SYT2: variants seen among roughly 807,000 people sequenced by gnomAD.
The protein encoded by SYT2 is synaptotagmin 2, also known as synaptotagmin-2.
In SYT2, 15 loss-of-function variants were observed where a neutral mutation model predicts 39.9. That is an observed-to-expected ratio of 0.38 (90% CI 0.25 to 0.58). The LOEUF is 0.58. SYT2 is among the 20% of genes least tolerant of loss of function. SYT2 has a pLI of 0.70. For synonymous variants in SYT2, 181 were observed against 204.5 expected, an observed-to-expected ratio of 0.89 and a Z score of 0.98; for missense variants, 389 against 530.3, an observed-to-expected ratio of 0.73 and a Z score of 2.62.
intron 1 of SYT2, among the ~76,000 whole-genome samples, chr1:202,649,733 A>T (rs968343958): frequency 6.6e-6 from 1 of 152,188 alleles, no homozygotes; most frequent in Non-Finnish European, 1.5e-5. Flanking sequence ...TCATCCCTGT[A>T]ACTACTTTAT....
chr1:202,670,362 C>T (rs1002754435), intron 1 of SYT2, among the ~76,000 whole-genome samples: 1 of 152,182 alleles, frequency 6.6e-6, no homozygotes, highest in African/African-American at 2.4e-5. Context: ...AACCCTTTAA[C>T]CCCTGCATTG....
chr1:202,662,189 C>T (rs1284391306), intron 1 of SYT2, among the ~76,000 whole-genome samples: 1 of 152,220 alleles, frequency 6.6e-6, no homozygotes, highest in African/African-American at 2.4e-5. Context: ...GCAGAGGACA[C>T]ACCATGGGCA....
At chr1:202,655,594 C>G (rs1310343416) in intron 1 of SYT2, among the ~76,000 whole-genome samples, 2 of 152,122 alleles carry the variant, frequency 1.3e-5, no homozygotes, top group East Asian at 3.9e-4. Context: ...TCCTTGTTTT[C>G]CAGAACAGGA....
At chr1:202,663,932 A>G (rs4372314) in intron 1 of SYT2, among the ~76,000 whole-genome samples, 87,882 of 152,008 alleles carry the variant, frequency 0.58, 26,389 homozygotes, top group East Asian at 0.79. Flanking sequence ...TTCCTCCCCC[A>G]GATGTAAGGT....
chr1:202,619,180 C>T (rs1042534716), intron 1 of SYT2, among the ~76,000 whole-genome samples: 4 of 152,170 alleles, frequency 2.6e-5, no homozygotes, highest in Non-Finnish European at 5.9e-5. Context: ...ACAGCTGCCT[C>T]GCCTCCCGCA....
intron 1 of SYT2, among the ~76,000 whole-genome samples, chr1:202,669,567 C>T (rs544239275): frequency 1.3e-5 from 2 of 151,334 alleles, no homozygotes; most frequent in South Asian, 2.1e-4. Context: ...CACTCCAGCC[C>T]GGGTGACGGT....
At chr1:202,606,832 A>T (rs563569936) in intron 1 of SYT2, among the ~76,000 whole-genome samples, 10 of 152,058 alleles carry the variant, frequency 6.6e-5, no homozygotes, top group Admixed American at 1.3e-4. Flanking sequence ...CATTTGGGGC[A>T]TTCTATGCTG....
At chr1:202,703,405 G>GGAAGGAACAAGTGGGGAGGGAGAGAT (rs1654171815) in intron 1 of SYT2, among the ~76,000 whole-genome samples, 1 of 152,132 alleles carries the variant, frequency 6.6e-6, no homozygotes, top group Non-Finnish European at 1.5e-5. Flanking sequence ...GAAGGGCGGG[G>GGAAGGAACAAGTGGGGAGGGAGAGAT]GAAGGAACAA....
chr1:202,674,013 TTAA>T (rs963441432), intron 1 of SYT2, among the ~76,000 whole-genome samples: 60 of 152,232 alleles, frequency 3.9e-4, no homozygotes, highest in African/African-American at 1.3e-3. Flanking sequence ...ATGTGGCAGG[TTAA>T]TGTGTATTTT....
chr1:202,627,045 G>A (rs1187084725), intron 1 of SYT2, among the ~76,000 whole-genome samples: 2 of 152,170 alleles, frequency 1.3e-5, no homozygotes, highest in African/African-American at 4.8e-5. Flanking sequence ...TACCCACAAC[G>A]AGGGGTGCAG....
chr1:202,672,563 C>T (rs1349978062), intron 1 of SYT2, among the ~76,000 whole-genome samples: 3 of 150,760 alleles, frequency 2.0e-5, no homozygotes, highest in Non-Finnish European at 4.4e-5. Flanking sequence ...ATTGTATTTA[C>T]ATACAATAAC....
At chr1:202,705,961 G>A (rs1654239508) in intron 1 of SYT2, among the ~76,000 whole-genome samples, 1 of 152,098 alleles carries the variant, frequency 6.6e-6, no homozygotes, top group Admixed American at 6.5e-5. Context: ...CCAAAGCGCT[G>A]GGATTACAGG....
intron 1 of SYT2, among the ~76,000 whole-genome samples, chr1:202,629,867 TG>T (rs71281826): frequency 0.048 from 1,910 of 39,470 alleles, 137 homozygotes; most frequent in African/African-American, 0.14. Context: ...AGGCAGCTGG[TG>T]GGGGGGGGGG....
chr1:202,602,229 A>G, intron 5 of SYT2, 149 bp downstream of exon 5: 1 of 1,139,478 alleles, frequency 8.8e-7, no homozygotes, highest in South Asian at 1.5e-5. Context: ...AGGGATCCCG[A>G]TCCTCCATAG....
At position 202,599,483 on chromosome 1, in the gene SYT2, G is replaced by T; in HGVS notation, c.920-132C>A. On this transcript the variant is annotated intron_variant, in intron 7 of 8. Coordinates refer to ENST00000367268, the MANE Select transcript of SYT2 (RefSeq NM_177402.5). The surrounding 1 kb of genome is among the most constrained non-coding windows in gnomAD (Gnocchi z 4.4). ...TCCGCTGAGACCAGGCCCTCAGAAA[G>T]CCCCAAGTCATGCCATCCAGTTCAA... is the stretch of plus-strand genomic sequence containing the variant. 2 of 1,067,358 alleles carry T rather than the reference G, an allele frequency of 1.9e-6. No homozygotes were observed. The highest frequency in any genetic ancestry group is 2.6e-6 in the Non-Finnish European group (2 of 763,382). 66.1% of individuals were successfully genotyped at this position (1,067,358 alleles called of 1,614,324 possible). A position where few individuals can be genotyped will look rare whatever the true frequency, so the allele number is the denominator to read the frequency against.
At chr1:202,635,617 A>C in intron 1 of SYT2, among the ~76,000 whole-genome samples, 1 of 152,142 alleles carries the variant, frequency 6.6e-6, no homozygotes, top group East Asian at 1.9e-4. Context: ...ACAGCTCCAG[A>C]AGCAGACATT....
At chr1:202,660,044 G>A (rs1692349329) in intron 1 of SYT2, among the ~76,000 whole-genome samples, 2 of 152,172 alleles carry the variant, frequency 1.3e-5, no homozygotes, top group Admixed American at 6.5e-5. Flanking sequence ...TCTGCTTCGT[G>A]TATTTCCATC....
At chr1:202,641,908 GA>G (rs1198180602) in intron 1 of SYT2, among the ~76,000 whole-genome samples, 2 of 152,348 alleles carry the variant, frequency 1.3e-5, no homozygotes, top group South Asian at 4.1e-4. Context: ...GCTGGATTCT[GA>G]AAGTGGGGAG....
intron 1 of SYT2, among the ~76,000 whole-genome samples, chr1:202,651,798 C>T (rs1053115854): frequency 6.6e-6 from 1 of 152,206 alleles, no homozygotes; most frequent in African/African-American, 2.4e-5. Context: ...TGGTGGCTCA[C>T]GCCTGTAATC....
Sources: gnomAD v4.1 joint callset for allele counts (sites outside exome capture counted in the v4.1 genomes callset) on GRCh38, gnomAD v4.1.1 for gene constraint, Gnocchi (gnomAD v3.1) non-coding constraint, MANE v1.5 for transcripts, NCBI Gene and HGNC (gene_info 2026-07-23, HGNC 2026-07-21) for gene names.